The following CREB5 variants were observed in gnomAD, a reference collection of about 807,000 sequenced individuals.
CREB5 encodes cyclic AMP-responsive element-binding protein 5.
A neutral mutation model predicts 57.1 loss-of-function variants in CREB5; 19 were observed. The ratio of observed to expected loss-of-function variants is 0.33; its 90% CI spans 0.23 to 0.49. The LOEUF (loss-of-function observed/expected upper bound fraction) is 0.49, where lower values mean the gene tolerates loss of function less well. Among genes scored for constraint, CREB5 ranks in the 20% least tolerant of loss-of-function variants. The pLI, the probability that CREB5 is intolerant of heterozygous loss-of-function variation, is 0.99. For synonymous variants in CREB5, 238 were observed against 238.3 expected (o/e 1.00, Z 0.01); for missense variants, 579 against 671.6 (o/e 0.86, Z 1.52).
intron 1 of CREB5, among the ~76,000 whole-genome samples, chr7:28,342,539 C>T (rs1236331004): frequency 1.3e-5 from 2 of 152,198 alleles, no homozygotes; most frequent in Admixed American, 6.5e-5. Flanking sequence ...TATAATACAG[C>T]ATCATAGTTG....
rs1365022459 is a variant in CREB5 at position 28,643,768 on chromosome 7, A to T, written c.464+73231A>T. On this transcript the variant is annotated intron_variant, in intron 5 of 10. Transcript: ENST00000357727. ...TTGGGAGGTGGGGGGGGGCGGAAGA[A>T]AAAAAAAAAACACACAAACCTGGAG... is the stretch of plus-strand genomic sequence containing the variant. Among the ~76,000 whole-genome samples the T allele has an allele frequency of 8.0e-3, 91 of 11,428 alleles. 2 individuals carry two copies. Among genetic ancestry groups the T allele is most frequent in the African/African-American group, 0.043 (87 of 2,038 alleles). The allele number at this position is 11,428 out of a possible 152,430, so 7.5% of individuals were successfully genotyped here.
chr7:28,552,259 A>G (rs890381484), intron 4 of CREB5, among the ~76,000 whole-genome samples: 1 of 152,156 alleles, frequency 6.6e-6, no homozygotes, highest in Admixed American at 6.5e-5. Flanking sequence ...GCAGGTCTTT[A>G]ACTCCTGAGC....
In CREB5 at chr7:28,720,306, T is replaced by G. The variant is rs958572949; in HGVS notation, c.591+1427T>G. Among the ~76,000 whole-genome samples the G allele has an allele frequency of 3.3e-5, 5 of 152,374 alleles. No individual in the cohort carries two copies. The South Asian group carries it at 6.2e-4, about 19-fold the overall frequency. On this transcript the variant is annotated intron_variant, in intron 6 of 10. Coordinates refer to ENST00000357727, the MANE Select transcript of CREB5 (RefSeq NM_182898.4). ...TGCCTTGCAAAGCCTTTTAGCATTTTAAGAAATTGTTTCCATTGTTATTTC... is the reference window on the plus strand; with the variant it reads ...TGCCTTGCAAAGCCTTTTAGCATTTGAAGAAATTGTTTCCATTGTTATTTC...
rs117843104 is a variant in CREB5 at position 28,656,089 on chromosome 7, C to T, written c.465-62664C>T. ...TTAAGAGAGAAAATAAATGGAGATACGTTTAGGTACTTGTCTAAAATTCAG... is the reference window on the plus strand; with the variant it reads ...TTAAGAGAGAAAATAAATGGAGATATGTTTAGGTACTTGTCTAAAATTCAG... On this transcript the variant is annotated intron_variant, in intron 5 of 10. Coordinates refer to ENST00000357727, the MANE Select transcript of CREB5 (RefSeq NM_182898.4). 2.9e-4 allele frequency among the ~76,000 whole-genome samples: 44 copies of T among 152,250 alleles called. 2 individuals are homozygous for T. Among genetic ancestry groups the T allele is most frequent in the South Asian group, 1.2e-3 (6 of 4,822 alleles).
At chr7:28,511,203 C>A (rs971734342) in intron 4 of CREB5, among the ~76,000 whole-genome samples, 11 of 139,104 alleles carry the variant, frequency 7.9e-5, no homozygotes, top group Admixed American at 3.5e-4. Flanking sequence ...GGGCATGCTG[C>A]GGGTGGTCAG....
chr7:28,440,723 T>C lies in CREB5; in HGVS notation c.3+27806T>C, dbSNP rs763858019. On this transcript the variant is annotated intron_variant, in intron 1 of 10. Transcript: ENST00000357727. ...GCTGATTCTTCCAGATACAGGAAGATTGGAGTTCACACCATTTGGGCTGGA... is the reference window on the plus strand; with the variant it reads ...GCTGATTCTTCCAGATACAGGAAGACTGGAGTTCACACCATTTGGGCTGGA... 2.7e-4 allele frequency among the ~76,000 whole-genome samples: 41 copies of C among 152,154 alleles called. 1 individual carries two copies. Among genetic ancestry groups the C allele is most frequent in the Admixed American group, 1.3e-4 (2 of 15,274 alleles).
intron 1 of CREB5, among the ~76,000 whole-genome samples, chr7:28,414,933 A>G (rs1282941118): frequency 6.6e-6 from 1 of 152,088 alleles, no homozygotes; most frequent in Non-Finnish European, 1.5e-5. Flanking sequence ...AAATTCTTGA[A>G]CCCATAAAAG....
At chr7:28,684,527 A>C (rs1800756994) in intron 5 of CREB5, among the ~76,000 whole-genome samples, 1 of 152,224 alleles carries the variant, frequency 6.6e-6, no homozygotes, top group Non-Finnish European at 1.5e-5. Context: ...GCTGTGATTT[A>C]AATTCCAGGG....
intron 1 of CREB5, among the ~76,000 whole-genome samples, chr7:28,464,713 A>ATTTT (rs1790492864): frequency 2.7e-5 from 4 of 150,634 alleles, no homozygotes; most frequent in African/African-American, 9.9e-5. Flanking sequence ...TTATTTTTAA[A>ATTTT]AAAAAAAAAA....
intron 1 of CREB5, among the ~76,000 whole-genome samples, chr7:28,453,283 A>G (rs1045309406): frequency 3.9e-5 from 6 of 152,110 alleles, no homozygotes; most frequent in African/African-American, 7.2e-5. Flanking sequence ...ACAAAAAATC[A>G]ACAAAATTAG....
At chr7:28,807,090 A>G (rs1411707346) in intron 8 of CREB5, among the ~76,000 whole-genome samples, 2 of 152,202 alleles carry the variant, frequency 1.3e-5, no homozygotes, top group Non-Finnish European at 2.9e-5. Flanking sequence ...TAGACAGTTA[A>G]TTTATTTTGT....
chr7:28,303,301 A>C (rs1785132308), intron 1 of CREB5, among the ~76,000 whole-genome samples: 1 of 152,226 alleles, frequency 6.6e-6, no homozygotes, highest in South Asian at 2.1e-4. Flanking sequence ...AGGCCAGTTG[A>C]AAATTTGGGC....
At chr7:28,489,369 TGCTCACTGCAA>T (rs1366126991) in intron 2 of CREB5, among the ~76,000 whole-genome samples, 1 of 148,470 alleles carries the variant, frequency 6.7e-6, no homozygotes, top group Non-Finnish European at 1.5e-5. Flanking sequence ...GTGCGATCTC[TGCTCACTGCAA>T]GCTCCGCCTC....
intron 5 of CREB5, among the ~76,000 whole-genome samples, chr7:28,643,727 C>T (rs144487484): frequency 1.1e-3 from 158 of 142,908 alleles, no homozygotes; most frequent in Admixed American, 3.7e-3. Flanking sequence ...TTAAGTCTCA[C>T]GAATAGTTCA....
At chr7:28,647,459 T>G (rs1470838220) in intron 5 of CREB5, among the ~76,000 whole-genome samples, 2 of 152,036 alleles carry the variant, frequency 1.3e-5, no homozygotes, top group Non-Finnish European at 2.9e-5. Flanking sequence ...TTAAAGATAT[T>G]TTGCTAATTT....
chr7:28,433,287 T>G lies in CREB5; in HGVS notation c.3+20370T>G, dbSNP rs181340555. ...GCTATGCAATAGTGCCTATCACACC[T>G]GATTTTCAGCCAAGAGTATTGGGTA... On this transcript the variant is annotated intron_variant, in intron 1 of 10. Coordinates refer to ENST00000357727, the MANE Select transcript of CREB5 (RefSeq NM_182898.4). Among the ~76,000 whole-genome samples, 461 of 152,350 alleles carry G rather than the reference T, an allele frequency of 3.0e-3. 2 individuals carry two copies. Among genetic ancestry groups the G allele is most frequent in the African/African-American group, 0.01 (432 of 41,588 alleles).
intron 1 of CREB5, among the ~76,000 whole-genome samples, chr7:28,446,448 C>A (rs1327069119): frequency 6.6e-6 from 1 of 152,202 alleles, no homozygotes; most frequent in Non-Finnish European, 1.5e-5. Context: ...TCTGTCCTGG[C>A]TCTGCCTTTT....
At chr7:28,534,281 T>C (rs568570984) in intron 4 of CREB5, among the ~76,000 whole-genome samples, 2 of 152,342 alleles carry the variant, frequency 1.3e-5, no homozygotes, top group African/African-American at 4.8e-5. Flanking sequence ...GAAGTCTTTA[T>C]TGAGTAGGAT....
intron 1 of CREB5, among the ~76,000 whole-genome samples, chr7:28,340,951 T>TTC (rs1163439407): frequency 6.6e-6 from 1 of 152,174 alleles, no homozygotes; most frequent in Non-Finnish European, 1.5e-5. Flanking sequence ...TCTCCCCAGA[T>TTC]TCTCTCTCTG....
Sources: gnomAD v4.1 joint callset for allele counts (sites outside exome capture counted in the v4.1 genomes callset) on GRCh38, gnomAD v4.1.1 for gene constraint, MANE v1.5 for transcripts, NCBI Gene and HGNC (gene_info 2026-07-23, HGNC 2026-07-21) for gene names.